The following CFAP61 variants were observed in gnomAD, a reference collection of about 807,000 sequenced individuals.
CFAP61 encodes cilia- and flagella-associated protein 61.
In CFAP61, 107 loss-of-function variants were observed where a neutral mutation model predicts 135.6. The ratio of observed to expected loss-of-function variants is 0.79; its 90% CI spans 0.67 to 0.93. The LOEUF is 0.93. Ranked by LOEUF, CFAP61 falls within the 40% of genes least tolerant of loss-of-function variation. The pLI is 0.00. For missense variants in CFAP61, 1,507 were observed against 1,556.2 expected (o/e 0.97, Z 0.53); for synonymous variants, 575 against 578.5 (o/e 0.99, Z 0.09).
At chr20:20,069,119 G>T (rs2045525851) in intron 2 of CFAP61, among the ~76,000 whole-genome samples, 1 of 152,050 alleles carries the variant, frequency 6.6e-6, no homozygotes, top group African/African-American at 2.4e-5. Flanking sequence ...AAAATTTTAA[G>T]CCCAAAGTAA....
Position 20,288,832 on chromosome 20 carries a change from C to T in CFAP61, c.3020C>T (p.Ala1007Val). 4 of 1,614,140 alleles carry T rather than the reference C, an allele frequency of 2.5e-6. No individual in the cohort carries two copies. The highest frequency in any genetic ancestry group is 3.4e-6 in the Non-Finnish European group (4 of 1,179,976). ...FSSKEIGFQL[A>V]AAMLHLFDPT... ...TCCAAAGAAATTGGCTTTCAGCTGG[C>T]AGCAGCTATGCTACATCTCTTTGAT... The change falls in exon 23 of 27, where the codon GCA becomes GTA. Residue 1007 changes from alanine to valine, a missense_variant. Coordinates refer to ENST00000245957, the MANE Select transcript of CFAP61 (RefSeq NM_015585.4).
At position 20,196,714 on chromosome 20, in the gene CFAP61, CT is replaced by C; in HGVS notation, c.1736del (p.Leu579ArgfsTer3). ...CACCAAGTTCTTTCTGAAGGAGATC[CT>C]GCGTTTAGGCTTTAAATCCTGTCTC... ...HYTKFFLKEI[L>X]RLGFKSCLYY... On this transcript the variant is annotated frameshift_variant, in exon 16 of 27. Coordinates refer to ENST00000245957, the MANE Select transcript of CFAP61 (RefSeq NM_015585.4). LOFTEE classifies it high-confidence loss of function. 4 of 1,614,172 alleles carry C rather than the reference CT, an allele frequency of 2.5e-6. No homozygotes were observed. The East Asian group carries it at 8.9e-5, about 36-fold the overall frequency.
At chr20:20,318,304 C>A (rs1601978876) in intron 25 of CFAP61, among the ~76,000 whole-genome samples, 1 of 152,280 alleles carries the variant, frequency 6.6e-6, no homozygotes, top group East Asian at 1.9e-4. Context: ...AGATCTGAAG[C>A]AGAGAAGCAT....
At chr20:20,072,091 CTTTTTTTTTTTTTTTTTTTTTTT>C (rs71198039) in intron 3 of CFAP61, among the ~76,000 whole-genome samples, 42 of 57,602 alleles carry the variant, frequency 7.3e-4, no homozygotes, top group Non-Finnish European at 1.1e-3. Context: ...ATCTAGCAAT[CTTTTTTTTTTTTTTTTTTTTTTT>C]TTTTTTTTTT....
At chr20:20,103,701 A>G (rs892858834) in intron 8 of CFAP61, among the ~76,000 whole-genome samples, 2 of 152,208 alleles carry the variant, frequency 1.3e-5, no homozygotes, top group African/African-American at 4.8e-5. Context: ...GGTTCAAAAC[A>G]ATATTTTTTC....
At chr20:20,320,862 C>CA (rs1173055766) in intron 25 of CFAP61, among the ~76,000 whole-genome samples, 5 of 151,702 alleles carry the variant, frequency 3.3e-5, no homozygotes, top group Middle Eastern at 3.4e-3. Context: ...GCCAAGAGGA[C>CA]AGCCAGGTGG....
intron 26 of CFAP61, among the ~76,000 whole-genome samples, chr20:20,350,904 C>T (rs2058811770): frequency 6.6e-6 from 1 of 152,156 alleles, no homozygotes; most frequent in South Asian, 2.1e-4. Flanking sequence ...TGCATCCTTT[C>T]ATGATTGAAA....
At chr20:20,098,267 G>A (rs934331510) in intron 7 of CFAP61, among the ~76,000 whole-genome samples, 18 of 152,142 alleles carry the variant, frequency 1.2e-4, no homozygotes, top group Non-Finnish European at 2.2e-4. Context: ...CACATTCTGA[G>A]GGCTCTGGAG....
intron 17 of CFAP61, among the ~76,000 whole-genome samples, chr20:20,224,963 C>T (rs1305707502): frequency 6.6e-6 from 1 of 152,136 alleles, no homozygotes. Context: ...AGACCCAAAA[C>T]AGAATCTCCA....
chr20:20,244,054 G>A (rs1231595954), intron 18 of CFAP61, among the ~76,000 whole-genome samples: 1 of 152,170 alleles, frequency 6.6e-6, no homozygotes, highest in African/African-American at 2.4e-5. Flanking sequence ...GGGTTCCTAT[G>A]GTCTTGGGCA....
At chr20:20,179,266 A>G (rs1011517641) in intron 13 of CFAP61, among the ~76,000 whole-genome samples, 6 of 152,264 alleles carry the variant, frequency 3.9e-5, no homozygotes, top group Non-Finnish European at 7.4e-5. Flanking sequence ...CAAGAGTGCA[A>G]TCCCATTCAC....
intron 8 of CFAP61, among the ~76,000 whole-genome samples, chr20:20,127,947 C>G (rs2050201519): frequency 6.6e-6 from 1 of 151,464 alleles, no homozygotes; most frequent in African/African-American, 2.4e-5. Context: ...TCTGGTGAGT[C>G]ATGCAGGTTG....
intron 22 of CFAP61, among the ~76,000 whole-genome samples, chr20:20,280,502 A>C (rs2054123879): frequency 6.6e-6 from 1 of 152,168 alleles, no homozygotes; most frequent in South Asian, 2.1e-4. Flanking sequence ...TAAAACTATG[A>C]TGTTGATAAC....
At chr20:20,103,505 G>C (rs2048166707) in intron 8 of CFAP61, among the ~76,000 whole-genome samples, 1 of 152,062 alleles carries the variant, frequency 6.6e-6, no homozygotes. Flanking sequence ...CAAGTTCCCA[G>C]AATATTGGAA....
intron 7 of CFAP61, among the ~76,000 whole-genome samples, chr20:20,093,283 A>C (rs888065949): frequency 6.6e-6 from 1 of 152,324 alleles, no homozygotes; most frequent in Admixed American, 6.5e-5. Context: ...GACAGAAGGT[A>C]GATTAGTGAC....
At chr20:20,124,168 A>G (rs191518588) in intron 8 of CFAP61, among the ~76,000 whole-genome samples, 125 of 151,630 alleles carry the variant, frequency 8.2e-4, no homozygotes, top group Non-Finnish European at 1.7e-3. Flanking sequence ...GAGGTAAACA[A>G]TCATCTCATT....
intron 8 of CFAP61, among the ~76,000 whole-genome samples, chr20:20,127,762 T>C (rs1231655618): frequency 1.3e-5 from 2 of 151,720 alleles, no homozygotes; most frequent in African/African-American, 4.9e-5. Flanking sequence ...CCAAATTATA[T>C]GCTCTTTGTC....
chr20:20,316,539 C>T (rs1222007627), intron 25 of CFAP61, among the ~76,000 whole-genome samples: 2 of 150,672 alleles, frequency 1.3e-5, no homozygotes, highest in Non-Finnish European at 2.9e-5. Context: ...ATTTCCTTCC[C>T]CTGCCTAATT....
intron 8 of CFAP61, among the ~76,000 whole-genome samples, chr20:20,103,682 C>A (rs2146649484): frequency 6.6e-6 from 1 of 152,262 alleles, no homozygotes; most frequent in Non-Finnish European, 1.5e-5. Context: ...CCTTCAGTGA[C>A]AATAAAATGG....
Sources: allele counts gnomAD v4.1 joint callset (sites outside exome capture counted in the v4.1 genomes callset), GRCh38; gene constraint gnomAD v4.1.1; transcripts MANE v1.5; gene names NCBI Gene and HGNC (gene_info 2026-07-23, HGNC 2026-07-21).